SDK1: variants seen among roughly 807,000 people sequenced by gnomAD.
The protein encoded by SDK1 is sidekick cell adhesion molecule 1.
In SDK1, 157 loss-of-function variants were observed where a neutral mutation model predicts 245.5. The ratio of observed to expected loss-of-function variants is 0.64; its 90% CI spans 0.56 to 0.73. SDK1 has a LOEUF of 0.73. Among genes scored for constraint, SDK1 ranks in the 30% least tolerant of loss-of-function variants. SDK1 has a pLI of 0.00. For missense variants in SDK1, 3,583 were observed against 3,002.3 expected, an observed-to-expected ratio of 1.19 and a Z score of -4.52; for synonymous variants, 1,647 against 1,278.5, an observed-to-expected ratio of 1.29 and a Z score of -6.15.
At chr7:3,608,004 C>A (rs1306122231) in intron 1 of SDK1, among the ~76,000 whole-genome samples, 2 of 152,162 alleles carry the variant, frequency 1.3e-5, no homozygotes, top group East Asian at 1.9e-4. Context: ...GTACTTTGTC[C>A]CCTTGTTGAG....
chr7:4,073,875 G>A (rs1233672278), intron 20 of SDK1, among the ~76,000 whole-genome samples: 1 of 152,148 alleles, frequency 6.6e-6, no homozygotes. Flanking sequence ...GTGTGTGGTG[G>A]GCAGGCACAC....
chr7:3,682,447 G>A (rs977304818), intron 4 of SDK1, among the ~76,000 whole-genome samples: 3 of 14,100 alleles, frequency 2.1e-4, no homozygotes. Context: ...TGTCGTCCTG[G>A]TATCTGGAAC....
At chr7:4,150,043 A>G (rs1166909225) in intron 30 of SDK1, among the ~76,000 whole-genome samples, 2 of 152,116 alleles carry the variant, frequency 1.3e-5, no homozygotes, top group African/African-American at 4.8e-5. Context: ...TGCATTGACA[A>G]TAGCAGCGGC....
rs145391389 is a variant in SDK1, at chr7:4,268,807, C to T, written c.*3423C>T. 5.8e-5 allele frequency: 71 copies of T among 1,230,988 alleles called. No individual in the cohort carries two copies. The highest frequency in any genetic ancestry group is 2.3e-4 in the Middle Eastern group (1 of 4,408). 76.3% of individuals were successfully genotyped at this position (1,230,988 alleles called of 1,614,324 possible). ...TGGAAACTCATGAGCTGAGCCTGCC[C>T]GCTGGGACACGTCTCCTTCCCGCGT... is the stretch of plus-strand genomic sequence containing the variant. On this transcript the variant is annotated 3_prime_UTR_variant, in exon 45 of 45. Transcript: ENST00000404826.
intron 1 of SDK1, among the ~76,000 whole-genome samples, chr7:3,401,518 G>A (rs1461328193): frequency 6.6e-6 from 1 of 152,092 alleles, no homozygotes; most frequent in Non-Finnish European, 1.5e-5. Flanking sequence ...TAATTTTATG[G>A]TTTGCTGGGG....
At chr7:3,903,092 T>G (rs2079376) in intron 5 of SDK1, among the ~76,000 whole-genome samples, 38,139 of 151,718 alleles carry the variant, frequency 0.25, 5,568 homozygotes, top group African/African-American at 0.39. Flanking sequence ...ACCTCTTTAC[T>G]CTCACTAGGA....
intron 1 of SDK1, among the ~76,000 whole-genome samples, chr7:3,532,532 C>T (rs1424765928): frequency 6.6e-6 from 1 of 152,186 alleles, no homozygotes; most frequent in African/African-American, 2.4e-5. Flanking sequence ...CAAGCTCACA[C>T]ACACTAAGTA....
At chr7:3,875,299 G>A (rs569333765) in intron 5 of SDK1, among the ~76,000 whole-genome samples, 1 of 152,302 alleles carries the variant, frequency 6.6e-6, no homozygotes, top group Admixed American at 6.5e-5. Flanking sequence ...GTAAGAGTGA[G>A]AGCAATGTTC....
chr7:3,966,352 G>A (rs913307086), intron 9 of SDK1, among the ~76,000 whole-genome samples: 1 of 152,114 alleles, frequency 6.6e-6, no homozygotes, highest in Non-Finnish European at 1.5e-5. Flanking sequence ...ATCAGCCCAG[G>A]GACCCTCACA....
intron 1 of SDK1, among the ~76,000 whole-genome samples, chr7:3,562,953 G>C (rs1779793294): frequency 6.6e-6 from 1 of 151,206 alleles, no homozygotes; most frequent in Non-Finnish European, 1.5e-5. Context: ...CCCTGGCAAA[G>C]TTCATTGATG....
At chr7:4,124,245 G>A (rs1191604405) in intron 25 of SDK1, among the ~76,000 whole-genome samples, 1 of 152,230 alleles carries the variant, frequency 6.6e-6, no homozygotes, top group Admixed American at 6.5e-5. Flanking sequence ...CCCAAACGGG[G>A]TGGCTTAAAT....
At chr7:3,784,337 T>G (rs973272579) in intron 4 of SDK1, among the ~76,000 whole-genome samples, 14 of 152,086 alleles carry the variant, frequency 9.2e-5, no homozygotes, top group African/African-American at 3.1e-4. Flanking sequence ...TGAAGTTAGA[T>G]TCTTACTTCA....
At chr7:3,744,404 A>G (rs531699416) in intron 4 of SDK1, among the ~76,000 whole-genome samples, 44 of 152,310 alleles carry the variant, frequency 2.9e-4, no homozygotes, top group African/African-American at 9.9e-4. Flanking sequence ...CACAGACTTC[A>G]TCTGCCAAAC....
chr7:3,755,443 C>G (rs1391366628), intron 4 of SDK1, among the ~76,000 whole-genome samples: 1 of 152,142 alleles, frequency 6.6e-6, no homozygotes, highest in Non-Finnish European at 1.5e-5. Flanking sequence ...CATAGTCCGC[C>G]TCACTGGATA....
chr7:3,768,335 G>C (rs1040007740), intron 4 of SDK1, among the ~76,000 whole-genome samples: 6 of 152,272 alleles, frequency 3.9e-5, no homozygotes, highest in Middle Eastern at 3.4e-3. Flanking sequence ...AAAACTCAAG[G>C]ACAGTATTGT....
At chr7:3,999,036 T>A (rs186435088) in intron 14 of SDK1, among the ~76,000 whole-genome samples, 16 of 152,228 alleles carry the variant, frequency 1.1e-4, no homozygotes, top group African/African-American at 3.9e-4. Flanking sequence ...TTTGTTTGTA[T>A]GTATGTCATT....
intron 1 of SDK1, among the ~76,000 whole-genome samples, chr7:3,552,632 C>T (rs945969793): frequency 2.6e-5 from 4 of 152,178 alleles, no homozygotes; most frequent in African/African-American, 4.8e-5. Context: ...TGTTTCTGAG[C>T]TGGACTGACC....
chr7:3,707,189 T>C (rs1451393037), intron 4 of SDK1, among the ~76,000 whole-genome samples: 1 of 152,240 alleles, frequency 6.6e-6, no homozygotes, highest in Non-Finnish European at 1.5e-5. Context: ...GGAGGCACTT[T>C]ATGCTATAAA....
intron 1 of SDK1, among the ~76,000 whole-genome samples, chr7:3,586,771 G>A (rs942093647): frequency 3.3e-5 from 5 of 152,050 alleles, no homozygotes; most frequent in African/African-American, 9.7e-5. Flanking sequence ...GGACAGAGTA[G>A]CCTTAACTGT....
Sources: gnomAD v4.1 joint callset for allele counts (sites outside exome capture counted in the v4.1 genomes callset) on GRCh38, gnomAD v4.1.1 for gene constraint, MANE v1.5 for transcripts, NCBI Gene and HGNC (gene_info 2026-07-23, HGNC 2026-07-21) for gene names.